LMF1: variants seen among roughly 807,000 people sequenced by gnomAD.
The protein encoded by LMF1 is lipase maturation factor 1.
A neutral mutation model predicts 60.6 loss-of-function variants in LMF1; 68 were observed. The ratio of observed to expected loss-of-function variants is 1.12; its 90% CI spans 0.92 to 1.37. LMF1 has a LOEUF of 1.37. LMF1 is among the 40% of genes most tolerant of loss of function. LMF1 has a pLI of 0.00. For synonymous variants in LMF1, 418 were observed against 324.7 expected (o/e 1.29, Z -3.09); for missense variants, 948 against 767.2 (o/e 1.24, Z -2.78).
rs543824177 is a variant in LMF1 at position 942,589 on chromosome 16, C to T, written c.504-8335G>A. On this transcript the variant is annotated intron_variant, in intron 2 of 10. Transcript: ENST00000262301. ...TCCAATCACACATATGTTAGCCCAC[C>T]GGGTGCTACGTGCCCCATTCTCTGC... Among the ~76,000 whole-genome samples, 11 of 150,050 alleles carry T rather than the reference C, an allele frequency of 7.3e-5. No homozygotes were observed. In the East Asian group the frequency reaches 7.9e-4, roughly 11 times the overall value.
chr16:924,219 C>T (rs1396746638), intron 3 of LMF1, among the ~76,000 whole-genome samples: 1 of 152,184 alleles, frequency 6.6e-6, no homozygotes, highest in Non-Finnish European at 1.5e-5. Context: ...TACACAGTGT[C>T]TAACCGTGGT....
intron 10 of LMF1, among the ~76,000 whole-genome samples, chr16:860,026 C>T (rs1374752957): frequency 6.6e-6 from 1 of 150,644 alleles, no homozygotes; most frequent in East Asian, 1.9e-4. Flanking sequence ...GGCATTTCTC[C>T]TGAGCTTATC....
intron 3 of LMF1, among the ~76,000 whole-genome samples, chr16:914,369 C>T (rs1268769938): frequency 6.6e-6 from 1 of 152,114 alleles, no homozygotes; most frequent in Non-Finnish European, 1.5e-5. Context: ...GCTCCCCACA[C>T]CCGACCTTCC....
At chr16:856,701 G>A (rs1268558806) in intron 10 of LMF1, among the ~76,000 whole-genome samples, 1 of 152,252 alleles carries the variant, frequency 6.6e-6, no homozygotes, top group Non-Finnish European at 1.5e-5. Context: ...TGGCAGGTTG[G>A]TGGGAAGGGG....
chr16:940,768 C>T (rs887749641), intron 2 of LMF1, among the ~76,000 whole-genome samples: 34 of 152,270 alleles, frequency 2.2e-4, no homozygotes, highest in Middle Eastern at 3.4e-3. Flanking sequence ...GAAAAACACC[C>T]GGAAGTACTG....
At chr16:865,511 G>C (rs541370688) in intron 10 of LMF1, among the ~76,000 whole-genome samples, 1 of 151,966 alleles carries the variant, frequency 6.6e-6, no homozygotes, top group Non-Finnish European at 1.5e-5. Context: ...CACCATACTC[G>C]CTCATTTTTT....
rs372030031 is a variant in LMF1, at chr16:897,519, C to T, written c.664-4447G>A. ...CCACCTGTAAACACAGGGAATTACT[C>T]GCGACAGGTCCTGCCTCCGCAGGAG... On this transcript the variant is annotated intron_variant, in intron 4 of 10. Coordinates refer to ENST00000262301, the MANE Select transcript of LMF1 (RefSeq NM_022773.4). The surrounding 1 kb of genome is among the most constrained non-coding windows in gnomAD (Gnocchi z 4.3). Among the ~76,000 whole-genome samples, 194 of 152,332 alleles carry T rather than the reference C, an allele frequency of 1.3e-3. 1 individual carries two copies. Among genetic ancestry groups the T allele is most frequent in the African/African-American group, 4.4e-3 (182 of 41,574 alleles).
At chr16:856,374 A>G (rs7188649) in intron 10 of LMF1, among the ~76,000 whole-genome samples, 13,245 of 152,154 alleles carry the variant, frequency 0.087, 1,704 homozygotes, top group African/African-American at 0.28. Context: ...ACGGGCTGGA[A>G]TGCGGCCGTG....
rs1362560091 is a variant in LMF1, at chr16:878,792, G to GTTT, written c.897+777_897+778insAAA. Among the ~76,000 whole-genome samples the GTTT allele has an allele frequency of 3.3e-5, 5 of 152,066 alleles. No individual in the cohort carries two copies. Among genetic ancestry groups the GTTT allele is most frequent in the Admixed American group, 3.3e-4 (5 of 15,278 alleles). ...AGGGGAAGGGGCGTGGGACACCCAG[G>GTTT]TACATCTGTTTTCCAGAGCACGTGG... is the stretch of plus-strand genomic sequence containing the variant. On this transcript the variant is annotated intron_variant, in intron 6 of 10. Coordinates refer to ENST00000262301, the MANE Select transcript of LMF1 (RefSeq NM_022773.4). This position sits in a 1 kb window ranked among gnomAD's most constrained non-coding sequence, Gnocchi z 5.2.
At chr16:892,294 G>C (rs367842554) in intron 5 of LMF1, among the ~76,000 whole-genome samples, 1 of 152,220 alleles carries the variant, frequency 6.6e-6, no homozygotes, top group African/African-American at 2.4e-5. Context: ...GTCCAGGCCT[G>C]AGATGCTCTA....
At position 860,978 on chromosome 16, in the gene LMF1, G is replaced by A. The variant is rs534847395; in HGVS notation, c.1530-6272C>T. Reference sequence around the variant, plus strand: ...TCCTTTACATTTCCATAGAAAACTTGGGATGACTTGTCCTTACCTATTAAC... The same window carrying A: ...TCCTTTACATTTCCATAGAAAACTTAGGATGACTTGTCCTTACCTATTAAC... On this transcript the variant is annotated intron_variant, in intron 10 of 10. Transcript: ENST00000262301. 9.2e-5 allele frequency among the ~76,000 whole-genome samples: 14 copies of A among 151,706 alleles called. 1 individual carries two copies. Among genetic ancestry groups the A allele is most frequent in the African/African-American group, 3.2e-4 (13 of 41,248 alleles).
intron 2 of LMF1, among the ~76,000 whole-genome samples, chr16:952,964 G>GACAC (rs1158110243): frequency 1.7e-5 from 1 of 57,982 alleles, no homozygotes; most frequent in Non-Finnish European, 2.9e-5. Flanking sequence ...CGTCCACACA[G>GACAC]ACACCCCAAA....
rs757628838 is a variant in LMF1 at position 869,929 on chromosome 16, G to T, written c.1370C>A (p.Pro457Gln). The change falls in exon 9 of 11, where the codon CCG becomes CAG. Residue 457 changes from proline to glutamine, a missense_variant. Transcript: ENST00000262301. ...CAGCCAGTCCAGGCGGTAGTGGTACGGGGAGATGAGGCAGGGCCGTCTGCT... is the reference window on the plus strand; with the variant it reads ...CAGCCAGTCCAGGCGGTAGTGGTACTGGGAGATGAGGCAGGGCCGTCTGCT... Reference protein sequence around the residue: ...DPSRRPCLISPYHYRLDWLMW... With the variant: ...DPSRRPCLISQYHYRLDWLMW... 1.9e-6 allele frequency: 3 copies of T among 1,613,112 alleles called. No individual in the cohort carries two copies. Among genetic ancestry groups the T allele is most frequent in the Non-Finnish European group, 1.7e-6 (2 of 1,179,848 alleles).
chr16:917,406 C>T (rs1041815209), intron 3 of LMF1, among the ~76,000 whole-genome samples: 2 of 138,814 alleles, frequency 1.4e-5, no homozygotes, highest in African/African-American at 6.0e-5. Context: ...CGCAGGCCCA[C>T]GTGAAGAAAT....
At chr16:917,572 C>T (rs1268940120) in intron 3 of LMF1, among the ~76,000 whole-genome samples, 3 of 152,098 alleles carry the variant, frequency 2.0e-5, no homozygotes, top group South Asian at 2.1e-4. Context: ...GTGTGTGCTG[C>T]GGGCAGGTGC....
intron 2 of LMF1, among the ~76,000 whole-genome samples, chr16:945,439 T>C (rs1021704133): frequency 6.6e-6 from 1 of 151,744 alleles, no homozygotes. Context: ...GCAGGTAGGA[T>C]TGCTTGAGCC....
At chr16:891,929 C>T (rs945643873) in intron 5 of LMF1, among the ~76,000 whole-genome samples, 3 of 152,226 alleles carry the variant, frequency 2.0e-5, no homozygotes, top group African/African-American at 4.8e-5. Context: ...TTTCACAGAC[C>T]GTCAGCTGAA....
At chr16:870,704 G>C in intron 8 of LMF1, 25 bp downstream of exon 8, 1 of 1,611,864 alleles carries the variant, frequency 6.2e-7, no homozygotes, top group Non-Finnish European at 8.5e-7. Flanking sequence ...CCCAGCTCCG[G>C]GGGACGGGGA....
In LMF1 at chr16:878,089, C is replaced by T. The variant is rs902058649; in HGVS notation, c.897+1481G>A. ...GCTATTCCAGGAGCCCCCAGACGCGCGTGGGGTCCAGCCACATGGAATCCA... is the reference window on the plus strand; with the variant it reads ...GCTATTCCAGGAGCCCCCAGACGCGTGTGGGGTCCAGCCACATGGAATCCA... On this transcript the variant is annotated intron_variant, in intron 6 of 10. Transcript: ENST00000262301. The surrounding 1 kb of genome is among the most constrained non-coding windows in gnomAD (Gnocchi z 5.2). Among the ~76,000 whole-genome samples the T allele has an allele frequency of 2.6e-5, 4 of 151,750 alleles. No homozygotes were observed. The highest frequency in any genetic ancestry group is 2.1e-4 in the South Asian group (1 of 4,778).
Sources: gnomAD v4.1 joint callset for allele counts (sites outside exome capture counted in the v4.1 genomes callset) on GRCh38, gnomAD v4.1.1 for gene constraint, Gnocchi (gnomAD v3.1) non-coding constraint, MANE v1.5 for transcripts, NCBI Gene and HGNC (gene_info 2026-07-23, HGNC 2026-07-21) for gene names.